The following CHST15 variants were observed in gnomAD, a reference collection of about 807,000 sequenced individuals.
The protein encoded by CHST15 is B cell RAG associated protein (GALNAC4S-6ST).
In CHST15, 30 loss-of-function variants were observed where a neutral mutation model predicts 53.6. The ratio of observed to expected loss-of-function variants is 0.56; its 90% CI spans 0.42 to 0.76. The LOEUF is 0.76. Among genes scored for constraint, CHST15 ranks in the 30% least tolerant of loss-of-function variants. The pLI, the probability that CHST15 is intolerant of heterozygous loss-of-function variation, is 0.00. For synonymous variants in CHST15, 296 were observed against 289.8 expected, an observed-to-expected ratio of 1.02 and a Z score of -0.22; for missense variants, 627 against 740.5, an observed-to-expected ratio of 0.85 and a Z score of 1.78.
chr10:124,034,598 CACCCCCTAACAGGGACCCTG>C (rs1947355193), intron 5 of CHST15, among the ~76,000 whole-genome samples: 1 of 132,802 alleles, frequency 7.5e-6, no homozygotes, highest in Admixed American at 7.3e-5. Context: ...ACCCTGGCTC[CACCCCCTAACAGGGACCCTG>C]GCTTCACCCC....
At chr10:124,045,292 T>G (rs1405880138) in intron 2 of CHST15, among the ~76,000 whole-genome samples, 2 of 152,106 alleles carry the variant, frequency 1.3e-5, no homozygotes, top group Non-Finnish European at 1.5e-5. Context: ...GAGATTAAAA[T>G]GTAGAATAGA....
chr10:124,079,137 C>A (rs1314492995), intron 1 of CHST15, among the ~76,000 whole-genome samples: 1 of 152,074 alleles, frequency 6.6e-6, no homozygotes, highest in Non-Finnish European at 1.5e-5. Flanking sequence ...AAAAAAATTT[C>A]TTTTATCTTT....
chr10:124,035,266 C>CT (rs1947435672), intron 5 of CHST15, among the ~76,000 whole-genome samples: 1 of 137,218 alleles, frequency 7.3e-6, no homozygotes, highest in African/African-American at 2.8e-5. Flanking sequence ...CCTGGCTCCA[C>CT]CCCTAACAGG....
chr10:124,034,462 G>C (rs1479267298), intron 5 of CHST15, among the ~76,000 whole-genome samples: 1 of 151,978 alleles, frequency 6.6e-6, no homozygotes, highest in African/African-American at 2.4e-5. Flanking sequence ...TGTGGTGTTG[G>C]TATCCTCAGA....
intron 1 of CHST15, among the ~76,000 whole-genome samples, chr10:124,081,795 G>A (rs1409726997): frequency 1.3e-5 from 2 of 151,966 alleles, no homozygotes; most frequent in East Asian, 1.9e-4. Context: ...GAGATCTCCC[G>A]GCCTGGTCTC....
At chr10:124,047,449 GAT>G (rs1948042549) in intron 1 of CHST15, among the ~76,000 whole-genome samples, 1 of 152,186 alleles carries the variant, frequency 6.6e-6, no homozygotes, top group African/African-American at 2.4e-5. Context: ...TCTCGAGCAA[GAT>G]ATGATTCTTA....
chr10:124,039,766 C>T (rs557134230), intron 4 of CHST15, among the ~76,000 whole-genome samples: 1 of 152,186 alleles, frequency 6.6e-6, no homozygotes, highest in African/African-American at 2.4e-5. Flanking sequence ...AGTGTGTGTG[C>T]GTGTATGTGT....
chr10:124,048,001 C>T (rs1421958133), intron 1 of CHST15, among the ~76,000 whole-genome samples: 3 of 152,206 alleles, frequency 2.0e-5, no homozygotes, highest in Non-Finnish European at 2.9e-5. Flanking sequence ...GCATCAAGAT[C>T]GCCATGTACT....
intron 5 of CHST15, among the ~76,000 whole-genome samples, chr10:124,022,984 A>G (rs1946845352): frequency 6.6e-6 from 1 of 151,366 alleles, no homozygotes. Flanking sequence ...AACCTGGCTA[A>G]TTTTTTTGTA....
At chr10:124,017,618 G>A (rs1313089290) in intron 6 of CHST15, among the ~76,000 whole-genome samples, 1 of 152,248 alleles carries the variant, frequency 6.6e-6, no homozygotes, top group Non-Finnish European at 1.5e-5. Flanking sequence ...CGCTGTGGGT[G>A]CAGAGTAGCA....
intron 1 of CHST15, among the ~76,000 whole-genome samples, chr10:124,050,203 G>A (rs1326882649): frequency 6.6e-6 from 1 of 152,174 alleles, no homozygotes; most frequent in Non-Finnish European, 1.5e-5. Flanking sequence ...AGAGCCCGGC[G>A]GCTTCCAGAC....
intron 1 of CHST15, among the ~76,000 whole-genome samples, chr10:124,060,182 T>C (rs935389995): frequency 9.4e-5 from 14 of 148,782 alleles, no homozygotes; most frequent in Non-Finnish European, 1.9e-4. Context: ...ATGCAGTGTG[T>C]GCACAGGTGT....
chr10:124,037,625 C>T (rs1947551367), intron 5 of CHST15, among the ~76,000 whole-genome samples: 1 of 152,198 alleles, frequency 6.6e-6, no homozygotes, highest in Non-Finnish European at 1.5e-5. Context: ...TGCATTCACA[C>T]AGGCATAAAT....
At position 124,009,398 on chromosome 10, in the gene CHST15, A is replaced by T. The variant is rs1258699666; in HGVS notation, c.*751T>A. The T allele has an allele frequency of 9.9e-7, 1 of 1,009,802 alleles. No homozygotes were observed. Among genetic ancestry groups the T allele is most frequent in the Non-Finnish European group, 1.2e-6 (1 of 843,584 alleles). 62.6% of individuals were successfully genotyped at this position (1,009,802 alleles called of 1,614,324 possible). A position where few individuals can be genotyped will look rare whatever the true frequency, so the allele number is the denominator to read the frequency against. On this transcript the variant is annotated 3_prime_UTR_variant, in exon 8 of 8. Coordinates refer to ENST00000435907, the MANE Select transcript of CHST15 (RefSeq NM_001270764.2). ...AACGCATTCATTTTCTATGTTAAAC[A>T]TAAGTCCACAAGGACAGAATAGGAG...
rs140257373 is a variant in CHST15 at position 124,036,961 on chromosome 10, C to T, written c.1190+1554G>A. Among the ~76,000 whole-genome samples the T allele has an allele frequency of 1.1e-3, 162 of 152,234 alleles. No individual in the cohort carries two copies. The highest frequency in any genetic ancestry group is 1.7e-3 in the Non-Finnish European group (113 of 68,008). ...CTTTCTTCCCTCAGTGTCCTGGAAG[C>T]TGGAGTCTGAAACCCAGGTGTGGGG... On this transcript the variant is annotated intron_variant, in intron 5 of 7. Transcript: ENST00000435907. This position sits in a 1 kb window ranked among gnomAD's most constrained non-coding sequence, Gnocchi z 5.1.
intron 1 of CHST15, among the ~76,000 whole-genome samples, chr10:124,082,555 G>A (rs1006247429): frequency 5.3e-5 from 8 of 151,872 alleles, no homozygotes; most frequent in Admixed American, 1.3e-4. Context: ...AAGTGAAAAC[G>A]TCTCATAAAA....
intron 6 of CHST15, chr10:124,020,896 A>T: frequency 7.7e-7 from 1 of 1,291,582 alleles, no homozygotes; most frequent in Non-Finnish European, 9.8e-7. Flanking sequence ...AAAACAATCC[A>T]CCGCTCAAGA....
chr10:124,065,902 C>T (rs534831094), intron 1 of CHST15, among the ~76,000 whole-genome samples: 1 of 152,158 alleles, frequency 6.6e-6, no homozygotes, highest in African/African-American at 2.4e-5. Flanking sequence ...GTACTGAGCT[C>T]AGGACAAAAA....
chr10:124,031,649 G>A (rs1947227946), intron 5 of CHST15, among the ~76,000 whole-genome samples: 1 of 152,174 alleles, frequency 6.6e-6, no homozygotes, highest in African/African-American at 2.4e-5. Context: ...GTGAGTAAAT[G>A]AGTGATCAGT....
Sources: gnomAD v4.1 joint callset for allele counts (sites outside exome capture counted in the v4.1 genomes callset) on GRCh38, gnomAD v4.1.1 for gene constraint, Gnocchi (gnomAD v3.1) non-coding constraint, MANE v1.5 for transcripts, NCBI Gene and HGNC (gene_info 2026-07-23, HGNC 2026-07-21) for gene names.